The following PRRG2 variants were observed in gnomAD, a reference collection of about 807,000 sequenced individuals.
The protein encoded by PRRG2 is transmembrane gamma-carboxyglutamic acid protein 2.
Under a neutral mutation model 27.1 loss-of-function variants are expected in PRRG2, and 23 were observed. The ratio of observed to expected loss-of-function variants is 0.85; its 90% CI spans 0.61 to 1.20. The LOEUF (loss-of-function observed/expected upper bound fraction) is 1.20, where lower values mean the gene tolerates loss of function less well. PRRG2 is among the 50% of genes most tolerant of loss of function. The pLI is 0.00. For synonymous variants in PRRG2, 104 were observed against 103.4 expected (o/e 1.01, Z -0.03); for missense variants, 276 against 254.8 (o/e 1.08, Z -0.57).
At chr19:49,588,782 G>C in intron 5 of PRRG2, 150 bp downstream of exon 5, 2 of 1,125,422 alleles carry the variant, frequency 1.8e-6, no homozygotes, top group Non-Finnish European at 2.4e-6. Flanking sequence ...TCTGTGAGCT[G>C]GCTTGTGTCT....
chr19:49,580,706 G>C (rs908472955), upstream of PRRG2: 15 of 152,282 alleles, frequency 9.9e-5, no homozygotes, highest in African/African-American at 3.4e-4. Context: ...CTCCGGAAAC[G>C]TGAGTAGCTA....
Position 49,583,649 on chromosome 19 carries a change from C to CG in PRRG2, c.196dup (p.Glu66GlyfsTer17). The stretch of plus-strand genomic sequence containing the variant: ...GCTGCTCACACCAGGGAACCTGGAA[C>CG]GGGAGTGTCTGGAAGAGAGGTGTTC... On this transcript the variant is annotated frameshift_variant, in exon 3 of 7. Transcript: ENST00000246794. LOFTEE classifies it high-confidence loss of function. 1 of 1,614,160 alleles carries CG rather than the reference C, an allele frequency of 6.2e-7. No individual in the cohort carries two copies. Among genetic ancestry groups the CG allele is most frequent in the South Asian group, 1.1e-5 (1 of 91,078 alleles).
rs2080648465 is a variant in PRRG2 at position 49,583,893 on chromosome 19, T to C, written c.262-20T>C. ...GAATTCCTGCTTTTTCCCCTTCTTT[T>C]CCACTCCTTCCCCCTCAAGGAGCGC... is the stretch of plus-strand genomic sequence containing the variant. On this transcript the variant is annotated intron_variant, in intron 3 of 6. Transcript: ENST00000246794. The C allele has an allele frequency of 1.9e-6, 3 of 1,613,490 alleles. No homozygotes were observed. Among genetic ancestry groups the C allele is most frequent in the Non-Finnish European group, 2.5e-6 (3 of 1,179,468 alleles).
At chr19:49,583,013 A>G (rs560320522) in intron 1 of PRRG2, among the ~76,000 whole-genome samples, 194 bp from the exon 2 acceptor site, 151 of 152,110 alleles carry the variant, frequency 9.9e-4, no homozygotes, top group Non-Finnish European at 1.9e-3. Flanking sequence ...CCTGGCTGAC[A>G]GAGCGAGACT....
chr19:49,590,044 C>T lies in PRRG2; in HGVS notation c.582C>T (p.Pro194=), dbSNP rs1447192805. The T allele has an allele frequency of 2.6e-6, 4 of 1,520,538 alleles. No homozygotes were observed. The highest frequency in any genetic ancestry group is 2.6e-6 in the Non-Finnish European group (3 of 1,139,652). 94.2% of individuals were successfully genotyped at this position (1,520,538 alleles called of 1,614,324 possible). A position where few individuals can be genotyped will look rare whatever the true frequency, so the allele number is the denominator to read the frequency against. ...ASGVHDAPPP[P]YTSLRRPH ...GGGTACACGACGCACCTCCACCCCCCTACACCAGGTATGGGGCGTGGCTTC... is the reference window on the plus strand; with the variant it reads ...GGGTACACGACGCACCTCCACCCCCTTACACCAGGTATGGGGCGTGGCTTC... The change falls in exon 6 of 7, where the codon CCC becomes CCT. Residue 194 remains proline (P), a synonymous_variant. Transcript: ENST00000246794.
intron 4 of PRRG2, among the ~76,000 whole-genome samples, chr19:49,584,941 A>G (rs749055116): frequency 2.0e-5 from 3 of 152,200 alleles, no homozygotes; most frequent in Non-Finnish European, 2.9e-5. Flanking sequence ...CTGGGGACAC[A>G]GCCCTCTAGC....
chr19:49,586,804 TTGCGCCA>T lies in PRRG2; in HGVS notation c.302-1692_302-1686del, dbSNP rs2080673885. Among the ~76,000 whole-genome samples the T allele has an allele frequency of 9.9e-5, 15 of 152,268 alleles. 1 individual carries two copies. Among genetic ancestry groups the T allele is most frequent in the Admixed American group, 9.8e-4 (15 of 15,278 alleles). On this transcript the variant is annotated intron_variant, in intron 4 of 6. Transcript: ENST00000246794. The stretch of plus-strand genomic sequence containing the variant: ...AGGCGGAGGTTGCGGTGAGCCGAGA[TTGCGCCA>T]CTGCACGCCAGCCTGGTGACAGAGC...
intron 4 of PRRG2, among the ~76,000 whole-genome samples, chr19:49,587,914 T>C (rs896435532): frequency 3.3e-5 from 5 of 151,854 alleles, no homozygotes; most frequent in African/African-American, 1.2e-4. Context: ...CTACCACACC[T>C]GGCCAGGACA....
In PRRG2 at chr19:49,588,505, C is replaced by T. The variant is rs556795775; in HGVS notation, c.310C>T (p.Arg104Ter). 23 of 1,591,338 alleles carry T rather than the reference C, an allele frequency of 1.4e-5. No individual in the cohort carries two copies. In the East Asian group the frequency reaches 2.5e-4, roughly 17 times the overall value. ...YIYNGKGGRG[R>*]VDVASLAVGL... ...TCCCTACTTTCCTGCAGGGCGTGGACGAGTGGATGTGGCCAGCCTGGCTGT... is the reference window on the plus strand; with the variant it reads ...TCCCTACTTTCCTGCAGGGCGTGGATGAGTGGATGTGGCCAGCCTGGCTGT... Residue 104 changes from arginine to a stop codon, truncating the protein, a stop_gained, in exon 5 of 7, where the codon CGA (arginine) becomes TGA (stop). Coordinates refer to ENST00000246794, the MANE Select transcript of PRRG2 (RefSeq NM_000951.3). LOFTEE classifies it high-confidence loss of function.
At position 49,582,960 on chromosome 19, in the gene PRRG2, C is replaced by T. The variant is rs139929176; in HGVS notation, c.-13-247C>T. 2.5e-3 allele frequency among the ~76,000 whole-genome samples: 384 copies of T among 150,982 alleles called. 16 individuals are homozygous for T. In the East Asian group the frequency reaches 0.065, roughly 26 times the overall value. On this transcript the variant is annotated intron_variant, in intron 1 of 6. Transcript: ENST00000246794. ...GCACGAGAATCGCTTGAACCCAGGA[C>T]ACAGAGGTTGCAGTGAGCTGAGACT...
intron 4 of PRRG2, among the ~76,000 whole-genome samples, chr19:49,584,836 C>T (rs1218245882): frequency 4.0e-5 from 6 of 151,816 alleles, no homozygotes; most frequent in African/African-American, 1.5e-4. Context: ...GCTGTGGGGC[C>T]CGTCAGGCCT....
chr19:49,589,860 T>G, intron 5 of PRRG2, 40 bp from the exon 6 acceptor site: 1 of 1,607,350 alleles, frequency 6.2e-7, no homozygotes, highest in East Asian at 2.2e-5. Flanking sequence ...CTAGGTATCC[T>G]GTAAGTTGCC....
intron 4 of PRRG2, among the ~76,000 whole-genome samples, chr19:49,585,570 G>T (rs751237888): frequency 6.6e-6 from 1 of 151,922 alleles, no homozygotes; most frequent in Non-Finnish European, 1.5e-5. Context: ...GGCCAAGGCA[G>T]GCGGATCACC....
rs2080712517 is a variant in PRRG2 at position 49,590,475 on chromosome 19, A to G, written c.*86A>G. ...AGCCGCTAGGCCTCATAGACGCCGA[A>G]GCTGGACTTGGAGTGGGGAATGGTG... On this transcript the variant is annotated 3_prime_UTR_variant, in exon 7 of 7. Coordinates refer to ENST00000246794, the MANE Select transcript of PRRG2 (RefSeq NM_000951.3). 1.9e-6 allele frequency: 3 copies of G among 1,578,160 alleles called. No homozygotes were observed. The highest frequency in any genetic ancestry group is 1.7e-5 in the Admixed American group (1 of 57,542).
At position 49,583,556 on chromosome 19, in the gene PRRG2, C is replaced by T. The variant is rs759743460; in HGVS notation, c.100C>T (p.Pro34Ser). The T allele has an allele frequency of 4.3e-6, 7 of 1,613,928 alleles. No individual in the cohort carries two copies. In the Admixed American group the frequency reaches 1.0e-4, roughly 23 times the overall value. ...TTTGGGTCCAGAAGTCTTCCTGGGT[C>T]CCCCAGAGGCCCAGAGCTTCCTGAG... ...EETDQEVFLG[P>S]PEAQSFLSSH... Residue 34 changes from proline to serine, a missense_variant, in exon 3 of 7, where the codon CCC (proline) becomes TCC (serine). Transcript: ENST00000246794.
chr19:49,586,591 G>A (rs565296350), intron 4 of PRRG2, among the ~76,000 whole-genome samples: 2 of 152,178 alleles, frequency 1.3e-5, no homozygotes, highest in African/African-American at 2.4e-5. Context: ...GGTGGCTCAC[G>A]CCTGTAATCC....
rs2080689395 is a variant in PRRG2 at position 49,588,550 on chromosome 19, C to T, written c.355C>T (p.Leu119=). 3 of 1,574,768 alleles carry T rather than the reference C, an allele frequency of 1.9e-6. No homozygotes were observed. Among genetic ancestry groups the T allele is most frequent in the Non-Finnish European group, 2.6e-6 (3 of 1,160,432 alleles). ...SLAVGLTGGI[L]LIVLAGLGAF... ...GGCTGTGGGGCTGACAGGTGGCATC[C>T]TGCTCATTGTCCTGGCCGGCCTGGG... Residue 119 remains leucine, a synonymous_variant, in exon 5 of 7, where the codon CTG becomes TTG. Transcript: ENST00000246794.
intron 4 of PRRG2, among the ~76,000 whole-genome samples, chr19:49,588,016 C>A (rs73057994): frequency 0.26 from 39,822 of 151,888 alleles, 6,167 homozygotes; most frequent in African/African-American, 0.44. Flanking sequence ...GGCTGGAGAG[C>A]AATGGCTCAA....
Position 49,590,792 on chromosome 19 carries a change from A to C in PRRG2, c.*403A>C. On this transcript the variant is annotated 3_prime_UTR_variant, in exon 7 of 7. Coordinates refer to ENST00000246794, the MANE Select transcript of PRRG2 (RefSeq NM_000951.3). Reference sequence around the variant, plus strand: ...CACACGCAGAGCCCCGCCTGTGCACACGCGTGTCTTCGTGCACTCCCCGTG... The same window carrying C: ...CACACGCAGAGCCCCGCCTGTGCACCCGCGTGTCTTCGTGCACTCCCCGTG... The C allele has an allele frequency of 3.7e-6, 1 of 270,590 alleles. No individual in the cohort carries two copies. The allele number at this position is 270,590 out of a possible 1,614,324, so 16.8% of individuals were successfully genotyped here.
Sources: allele counts gnomAD v4.1 joint callset (sites outside exome capture counted in the v4.1 genomes callset), GRCh38; gene constraint gnomAD v4.1.1; transcripts MANE v1.5; gene names NCBI Gene and HGNC (gene_info 2026-07-23, HGNC 2026-07-21).